The following NLRP2 variants were observed in gnomAD, a reference collection of about 807,000 sequenced individuals.
NLRP2 encodes the protein NLR family pyrin domain containing 2.
NLRP2 carries 107 observed loss-of-function variants against 97.2 expected under a neutral mutation model. That is an observed-to-expected ratio of 1.10 (90% CI 0.94 to 1.29). The LOEUF (loss-of-function observed/expected upper bound fraction) is 1.29, where lower values mean the gene tolerates loss of function less well. Among genes scored for constraint, NLRP2 ranks in the 50% most tolerant of loss-of-function variants. NLRP2 has a pLI of 0.00. For missense variants in NLRP2, 1,495 were observed against 1,330.3 expected, an observed-to-expected ratio of 1.12 and a Z score of -1.93; for synonymous variants, 663 against 551.5, an observed-to-expected ratio of 1.20 and a Z score of -2.83.
chr19:54,993,895 C>T (rs1424617955), intron 10 of NLRP2: 1 of 315,518 alleles, frequency 3.2e-6, no homozygotes, highest in Non-Finnish European at 6.0e-6. Flanking sequence ...GGCCCTTCCT[C>T]CAACTTCGGC....
chr19:54,995,739 A>G lies in NLRP2; in HGVS notation c.2879+1300A>G, dbSNP rs545535914. On this transcript the variant is annotated intron_variant, in intron 11 of 12. Coordinates refer to ENST00000448584, the MANE Select transcript of NLRP2 (RefSeq NM_017852.5). ...AACCTGGAATCCTATCTGGGAGGCA[A>G]TCTTAAAAGAATTTGACTCGGGATG... is the stretch of plus-strand genomic sequence containing the variant. 1.2e-4 allele frequency among the ~76,000 whole-genome samples: 19 copies of G among 152,152 alleles called. 1 individual carries two copies. The South Asian group carries it at 2.7e-3, about 22-fold the overall frequency.
chr19:54,996,037 CAAAA>C (rs544759995), intron 11 of NLRP2, among the ~76,000 whole-genome samples: 1 of 73,332 alleles, frequency 1.4e-5, no homozygotes. Context: ...GATCCTGTCT[CAAAA>C]AAAAAAAAAA....
chr19:54,982,208 G>A lies in NLRP2; in HGVS notation c.510G>A (p.Glu170=). ...CRYILKTKFR[E]MWKSWPGDSK... is the part of the protein sequence containing the mutation. ...ATATATTGAAGACGAAGTTCCGGGA[G>A]ATGTGGAAGAGCTGGCCTGGAGATA... is the stretch of plus-strand genomic sequence containing the variant. The change falls in exon 6 of 13, where the codon GAG becomes GAA. Residue 170 remains glutamate (E), a synonymous_variant. Coordinates refer to ENST00000448584, the MANE Select transcript of NLRP2 (RefSeq NM_017852.5). 1 of 1,614,172 alleles carries A rather than the reference G, an allele frequency of 6.2e-7. No individual in the cohort carries two copies. Among genetic ancestry groups the A allele is most frequent in the Non-Finnish European group, 8.5e-7 (1 of 1,180,036 alleles).
At chr19:54,981,537 TG>T in intron 4 of NLRP2, 79 bp from the exon 5 acceptor site, 3 of 219,490 alleles carry the variant, frequency 1.4e-5, no homozygotes, top group Admixed American at 4.4e-5. Context: ...CCCATCAGCC[TG>T]CCTCCTTTTC....
chr19:54,996,190 G>A (rs1392435930), intron 11 of NLRP2, among the ~76,000 whole-genome samples: 1 of 152,064 alleles, frequency 6.6e-6, no homozygotes, highest in Non-Finnish European at 1.5e-5. Flanking sequence ...CTGGGCAACC[G>A]AGTGAGACCG....
At position 54,969,964 on chromosome 19, in the gene NLRP2, A is replaced by G. The variant is rs1265240750; in HGVS notation, c.-17-35A>G. The G allele has an allele frequency of 5.6e-6, 9 of 1,601,524 alleles. No individual in the cohort carries two copies. The Admixed American group carries it at 8.3e-5, about 15-fold the overall frequency. On this transcript the variant is annotated intron_variant, in intron 1 of 12. Transcript: ENST00000448584. ...ATTTGAGACAGGAGTGCTAATCACC[A>G]TCCCTCTCCACTCCTCCCTTGATTG... is the stretch of plus-strand genomic sequence containing the variant.
intron 4 of NLRP2, 148 bp downstream of exon 4, chr19:54,977,971 C>T (rs1020496724): frequency 2.8e-5 from 22 of 773,330 alleles, no homozygotes; most frequent in Admixed American, 1.0e-4. Flanking sequence ...AGAATGCCAA[C>T]CTCCCTTCCG....
At chr19:54,972,700 C>T (rs986096818) in intron 2 of NLRP2, among the ~76,000 whole-genome samples, 3 of 151,954 alleles carry the variant, frequency 2.0e-5, no homozygotes, top group Admixed American at 6.6e-5. Context: ...CTCAACCGAT[C>T]CTCCTGCCTT....
chr19:54,966,141 C>G (rs1305157602), upstream of NLRP2: 1 of 151,582 alleles, frequency 6.6e-6, no homozygotes, highest in Non-Finnish European at 1.5e-5. Context: ...CGAAAGAACT[C>G]CAGGGTCTGG....
At chr19:54,988,476 C>G (rs1323401959) in intron 8 of NLRP2, among the ~76,000 whole-genome samples, 1 of 151,972 alleles carries the variant, frequency 6.6e-6, no homozygotes, top group South Asian at 2.1e-4. Flanking sequence ...TTTTGTATTT[C>G]TAGTAGAGAC....
chr19:54,971,584 AT>A (rs534635816), intron 2 of NLRP2, among the ~76,000 whole-genome samples: 2 of 151,176 alleles, frequency 1.3e-5, no homozygotes, highest in Non-Finnish European at 3.0e-5. Context: ...GATGATGAGC[AT>A]TTTTTCATGT....
chr19:54,969,475 C>T (rs2070703932), intron 1 of NLRP2, among the ~76,000 whole-genome samples: 1 of 108,922 alleles, frequency 9.2e-6, no homozygotes, highest in Admixed American at 1.1e-4. Context: ...GAGACTCCGT[C>T]TCAAAAAAAA....
intron 2 of NLRP2, 189 bp from the exon 3 acceptor site, chr19:54,974,311 G>T (rs535672693): frequency 4.4e-5 from 28 of 634,934 alleles, no homozygotes; most frequent in South Asian, 3.1e-4. Flanking sequence ...CCAAGATTGT[G>T]CCACTCCAGC....
At chr19:54,976,262 C>A (rs919025737) in intron 3 of NLRP2, among the ~76,000 whole-genome samples, 9 of 151,790 alleles carry the variant, frequency 5.9e-5, no homozygotes, top group African/African-American at 1.9e-4. Flanking sequence ...ACCATGTTGG[C>A]CAGGCTGGTC....
At chr19:54,984,500 T>TTTTTTTTTTTA (rs764786892) in intron 6 of NLRP2, among the ~76,000 whole-genome samples, 7 of 132,850 alleles carry the variant, frequency 5.3e-5, no homozygotes, top group South Asian at 2.3e-4. Context: ...TTTTTTTTTT[T>TTTTTTTTTTTA]GAGACGGAGT....
At chr19:54,985,629 G>C (rs904854567) in intron 7 of NLRP2, among the ~76,000 whole-genome samples, 1 of 136,976 alleles carries the variant, frequency 7.3e-6, no homozygotes, top group South Asian at 2.3e-4. Context: ...AGTGAACCAA[G>C]ATCCTGCCAC....
chr19:54,976,768 T>C (rs2071254274), intron 3 of NLRP2: 2 of 434,118 alleles, frequency 4.6e-6, no homozygotes, highest in Non-Finnish European at 9.1e-6. Flanking sequence ...TTATCCAGGG[T>C]TAAGCTGCAG....
At chr19:55,000,695 T>C in intron 12 of NLRP2, 65 bp from the exon 13 acceptor site, 1 of 1,563,392 alleles carries the variant, frequency 6.4e-7, no homozygotes, top group Non-Finnish European at 8.8e-7. Context: ...TTTCAGGTAC[T>C]TGGGAATTTG....
intron 12 of NLRP2, among the ~76,000 whole-genome samples, chr19:54,997,815 G>A (rs2072919964): frequency 1.3e-5 from 2 of 150,436 alleles, no homozygotes; most frequent in Non-Finnish European, 3.0e-5. Context: ...CTGGAGTCCA[G>A]CAGCACAATG....
Sources: allele counts gnomAD v4.1 joint callset (sites outside exome capture counted in the v4.1 genomes callset), GRCh38; gene constraint gnomAD v4.1.1; transcripts MANE v1.5; gene names NCBI Gene and HGNC (gene_info 2026-07-23, HGNC 2026-07-21).